The following SDC2 variants were observed in gnomAD, a reference collection of about 807,000 sequenced individuals.
SDC2 encodes the protein syndecan-2.
Under a neutral mutation model 22.2 loss-of-function variants are expected in SDC2, and 13 were observed. The ratio of observed to expected loss-of-function variants is 0.59; its 90% CI spans 0.38 to 0.93. The LOEUF is 0.93. SDC2 is among the 40% of genes least tolerant of loss of function. SDC2 has a pLI of 0.00. For synonymous variants in SDC2, 94 were observed against 92.8 expected (o/e 1.01, Z -0.07); for missense variants, 235 against 246.8 (o/e 0.95, Z 0.32).
chr8:96,601,640 CAAAAAAA>C (rs749025894), intron 2 of SDC2, among the ~76,000 whole-genome samples: 3 of 66,694 alleles, frequency 4.5e-5, no homozygotes, highest in Non-Finnish European at 8.7e-5. Context: ...ACTCCATCTC[CAAAAAAA>C]AAAAAAAAAA....
At chr8:96,499,456 C>G (rs1265000687) in intron 1 of SDC2, among the ~76,000 whole-genome samples, 1 of 152,174 alleles carries the variant, frequency 6.6e-6, no homozygotes, top group East Asian at 1.9e-4. Context: ...AGCATTACCC[C>G]TTAATTATGT....
intron 1 of SDC2, among the ~76,000 whole-genome samples, chr8:96,581,248 A>G (rs1237023837): frequency 6.6e-6 from 1 of 152,172 alleles, no homozygotes; most frequent in Non-Finnish European, 1.5e-5. Context: ...CTTAAGTAGT[A>G]TTTTTTAATT....
chr8:96,516,801 T>C (rs1047759639), intron 1 of SDC2, among the ~76,000 whole-genome samples: 15 of 152,226 alleles, frequency 9.9e-5, no homozygotes, highest in African/African-American at 3.6e-4. Flanking sequence ...GCATTGCATA[T>C]AGTCATACCC....
At chr8:96,507,284 T>G (rs1369487990) in intron 1 of SDC2, among the ~76,000 whole-genome samples, 2 of 152,194 alleles carry the variant, frequency 1.3e-5, no homozygotes, top group Non-Finnish European at 2.9e-5. Flanking sequence ...CTGCTTCTAC[T>G]CCCTCATTCC....
chr8:96,501,814 C>A (rs1813170099), intron 1 of SDC2, among the ~76,000 whole-genome samples: 1 of 152,046 alleles, frequency 6.6e-6, no homozygotes, highest in African/African-American at 2.4e-5. Context: ...TTTTTCTGCA[C>A]TTTAGGGTGT....
chr8:96,547,109 A>T (rs930366915), intron 1 of SDC2, among the ~76,000 whole-genome samples: 1 of 152,206 alleles, frequency 6.6e-6, no homozygotes, highest in African/African-American at 2.4e-5. Context: ...TAAATGGCCT[A>T]TTGATTTGCA....
chr8:96,544,511 C>T lies in SDC2; in HGVS notation c.61-48969C>T, dbSNP rs542659198. On this transcript the variant is annotated intron_variant, in intron 1 of 4. Coordinates refer to ENST00000302190, the MANE Select transcript of SDC2 (RefSeq NM_002998.4). ...ATGATGTTTTCTCTGTTCGTTCTAG[C>T]GATCGCTCTTTTCTCTCTTGAGTTC... Among the ~76,000 whole-genome samples the T allele has an allele frequency of 6.6e-5, 10 of 152,286 alleles. No homozygotes were observed. In the East Asian group the frequency reaches 1.2e-3, roughly 18 times the overall value.
chr8:96,546,960 G>A (rs1813944396), intron 1 of SDC2, among the ~76,000 whole-genome samples: 1 of 152,194 alleles, frequency 6.6e-6, no homozygotes, highest in Non-Finnish European at 1.5e-5. Context: ...ATCCTGCTGT[G>A]AATTCTGTCT....
At chr8:96,499,563 G>C (rs951465273) in intron 1 of SDC2, among the ~76,000 whole-genome samples, 1 of 152,126 alleles carries the variant, frequency 6.6e-6, no homozygotes, top group Admixed American at 6.5e-5. Context: ...TTCAGATGCT[G>C]GTACCTTGCC....
chr8:96,555,804 C>A (rs928470077), intron 1 of SDC2, among the ~76,000 whole-genome samples: 5 of 152,114 alleles, frequency 3.3e-5, no homozygotes, highest in African/African-American at 1.2e-4. Flanking sequence ...CCTTTATTGA[C>A]CCTGGGTGCC....
At chr8:96,583,579 A>G (rs1814629725) in intron 1 of SDC2, among the ~76,000 whole-genome samples, 1 of 151,592 alleles carries the variant, frequency 6.6e-6, no homozygotes, top group South Asian at 2.1e-4. Context: ...AATATCAATT[A>G]GGAAAAAAAT....
At chr8:96,506,483 G>A (rs1172639894) in intron 1 of SDC2, among the ~76,000 whole-genome samples, 1 of 151,998 alleles carries the variant, frequency 6.6e-6, no homozygotes, top group East Asian at 1.9e-4. Context: ...TGTATCCGGT[G>A]AAAACTTATA....
At chr8:96,563,257 T>C (rs759176440) in intron 1 of SDC2, among the ~76,000 whole-genome samples, 1 of 152,150 alleles carries the variant, frequency 6.6e-6, no homozygotes, top group Admixed American at 6.5e-5. Flanking sequence ...CCCACCATTC[T>C]AACGGCCTTA....
At chr8:96,552,819 C>G (rs1432690321) in intron 1 of SDC2, among the ~76,000 whole-genome samples, 2 of 152,144 alleles carry the variant, frequency 1.3e-5, no homozygotes, top group African/African-American at 4.8e-5. Context: ...GTATCTACTT[C>G]CCCTCCCCCA....
chr8:96,520,511 C>T (rs549355613), intron 1 of SDC2, among the ~76,000 whole-genome samples: 1 of 152,256 alleles, frequency 6.6e-6, no homozygotes, highest in South Asian at 2.1e-4. Context: ...CTCACATTCC[C>T]AAGCTGTTTA....
chr8:96,577,797 A>G (rs1419019865), intron 1 of SDC2, among the ~76,000 whole-genome samples: 4 of 152,048 alleles, frequency 2.6e-5, no homozygotes, highest in Non-Finnish European at 4.4e-5. Context: ...CTCTGTAGTT[A>G]TGCCTTTCCA....
At chr8:96,597,535 T>C (rs183618920) in intron 2 of SDC2, among the ~76,000 whole-genome samples, 3 of 152,124 alleles carry the variant, frequency 2.0e-5, no homozygotes, top group Admixed American at 6.5e-5. Context: ...ACTTGTAACA[T>C]GAGAGAAAGA....
intron 1 of SDC2, among the ~76,000 whole-genome samples, chr8:96,542,659 G>A (rs1813870504): frequency 6.6e-6 from 1 of 152,102 alleles, no homozygotes; most frequent in African/African-American, 2.4e-5. Context: ...TTCCCCCCGA[G>A]AAGACAAGCG....
In SDC2 at chr8:96,573,698, C is replaced by T. The variant is rs115773881; in HGVS notation, c.61-19782C>T. On this transcript the variant is annotated intron_variant, in intron 1 of 4. Transcript: ENST00000302190. ...GGTTTGGCACTTCTTACACAATTCC[C>T]GCCATAATTGGATGGATCACACTGC... is the stretch of plus-strand genomic sequence containing the variant. Among the ~76,000 whole-genome samples the T allele has an allele frequency of 4.8e-3, 734 of 152,178 alleles. 5 individuals are homozygous for T. Among genetic ancestry groups the T allele is most frequent in the African/African-American group, 0.017 (700 of 41,526 alleles).
Sources: allele counts gnomAD v4.1 joint callset (sites outside exome capture counted in the v4.1 genomes callset), GRCh38; gene constraint gnomAD v4.1.1; transcripts MANE v1.5; gene names NCBI Gene and HGNC (gene_info 2026-07-23, HGNC 2026-07-21).